Variants in ZNF567 observed in about 807,000 individuals in gnomAD.
ZNF567 encodes the protein zinc finger protein 567.
A neutral mutation model predicts 53.9 loss-of-function variants in ZNF567; 36 were observed. The ratio of observed to expected loss-of-function variants is 0.67; its 90% CI spans 0.51 to 0.88. ZNF567 has a LOEUF of 0.88. Among genes scored for constraint, ZNF567 ranks in the 40% least tolerant of loss-of-function variants. ZNF567 has a pLI of 0.00. For missense variants in ZNF567, 619 were observed against 764.7 expected (o/e 0.81, Z 2.25); for synonymous variants, 224 against 260.4 (o/e 0.86, Z 1.35).
At chr19:36,718,035 A>G (rs1195044964) in intron 5 of ZNF567, among the ~76,000 whole-genome samples, 1 of 152,238 alleles carries the variant, frequency 6.6e-6, no homozygotes, top group Non-Finnish European at 1.5e-5. Context: ...CTAATTTTCC[A>G]TTCATAAGAG....
chr19:36,667,336 C>T, the ZNF567 span, among the ~76,000 whole-genome samples: 1 of 151,676 alleles, frequency 6.6e-6, no homozygotes, highest in South Asian at 2.1e-4. Context: ...AACCCCGTCT[C>T]TACTAAAAAT....
chr19:36,691,160 T>G (rs529682375), intron 2 of ZNF567, among the ~76,000 whole-genome samples: 1 of 150,996 alleles, frequency 6.6e-6, no homozygotes, highest in Non-Finnish European at 1.5e-5. Context: ...TTTTCTTGTT[T>G]TGTTTGTTTG....
At chr19:36,727,504 C>G (rs762088260), downstream of ZNF567, 1 of 152,336 alleles carries the variant, frequency 6.6e-6, no homozygotes, top group Non-Finnish European at 1.5e-5. Flanking sequence ...CTCAGCCTCC[C>G]GAGTAGCTGG....
chr19:36,721,059 A>T lies in ZNF567; in HGVS notation c.*391A>T, dbSNP rs1483852703. The T allele has an allele frequency of 6.5e-6, 1 of 153,282 alleles. No homozygotes were observed. Among genetic ancestry groups the T allele is most frequent in the Non-Finnish European group, 1.5e-5 (1 of 68,802 alleles). 9.5% of individuals were successfully genotyped at this position (153,282 alleles called of 1,614,324 possible). On this transcript the variant is annotated 3_prime_UTR_variant, in exon 6 of 6. Coordinates refer to ENST00000682579, the MANE Select transcript of ZNF567 (RefSeq NM_001322917.1). ...AGCAGTTAGTTGTTACTTACCTAAGAGTTACCACTTCCGTAGCCTATAACA... is the reference window on the plus strand; with the variant it reads ...AGCAGTTAGTTGTTACTTACCTAAGTGTTACCACTTCCGTAGCCTATAACA...
At chr19:36,697,233 T>G (rs939193011) in intron 3 of ZNF567, among the ~76,000 whole-genome samples, 4 of 152,216 alleles carry the variant, frequency 2.6e-5, no homozygotes, top group African/African-American at 9.6e-5. Context: ...CCTTGGATAT[T>G]TTTTAATGCT....
chr19:36,712,940 C>A, intron 5 of ZNF567, 73 bp downstream of exon 5: 1 of 1,187,986 alleles, frequency 8.4e-7, no homozygotes, highest in East Asian at 2.4e-5. Flanking sequence ...GGGGTGATAC[C>A]TTTGAAATGT....
In ZNF567 at chr19:36,719,259, C is replaced by A. The variant is rs752223431; in HGVS notation, c.535C>A (p.Pro179Thr). ...GAGTACTAAACAAGAGACTACTCAT[C>A]CTGAAGTCAAATCCCATAATCAAAG... ...LLSTKQETTH[P>T]EVKSHNQSAR... is the part of the protein sequence containing the mutation. The change falls in exon 6 of 6, where the codon CCT becomes ACT. Residue 179 changes from proline (P) to threonine (T), a missense_variant. Physicochemically the swap from Pro to Thr is conservative, Grantham distance 38. Coordinates refer to ENST00000682579, the MANE Select transcript of ZNF567 (RefSeq NM_001322917.1). 6.2e-7 allele frequency: 1 copy of A among 1,613,906 alleles called. No individual in the cohort carries two copies.
chr19:36,718,119 T>C (rs142695875), intron 5 of ZNF567, among the ~76,000 whole-genome samples: 1 of 152,302 alleles, frequency 6.6e-6, no homozygotes, highest in East Asian at 1.9e-4. Context: ...AAAGCTAAAT[T>C]AATCAATGTT....
chr19:36,699,224 A>G (rs867438775), intron 3 of ZNF567, among the ~76,000 whole-genome samples: 1 of 152,080 alleles, frequency 6.6e-6, no homozygotes, highest in African/African-American at 2.4e-5. Context: ...CAAAGCTCAG[A>G]TAGTTGTAGA....
intron 3 of ZNF567, among the ~76,000 whole-genome samples, chr19:36,696,689 T>C (rs1314869717): frequency 2.6e-5 from 4 of 152,204 alleles, no homozygotes. Flanking sequence ...TCCTTTCTCA[T>C]AGTGGTCACT....
At chr19:36,699,877 A>G (rs1454820973) in intron 3 of ZNF567, among the ~76,000 whole-genome samples, 22 of 141,850 alleles carry the variant, frequency 1.6e-4, no homozygotes, top group Admixed American at 1.4e-3. Flanking sequence ...AACAGGGACA[A>G]TTTGACTTCC....
chr19:36,695,841 T>C (rs1754976733), intron 3 of ZNF567, among the ~76,000 whole-genome samples: 1 of 152,042 alleles, frequency 6.6e-6, no homozygotes, highest in South Asian at 2.1e-4. Flanking sequence ...ATTAAAAAAA[T>C]ATATAAGGCT....
chr19:36,697,285 T>G (rs1319971180), intron 3 of ZNF567, among the ~76,000 whole-genome samples: 3 of 152,198 alleles, frequency 2.0e-5, no homozygotes, highest in Non-Finnish European at 2.9e-5. Flanking sequence ...TCCCACTGTT[T>G]ATTGCTAGTA....
rs1440941927 is a variant in ZNF567, at chr19:36,721,240, T to G, written c.*572T>G. On this transcript the variant is annotated 3_prime_UTR_variant, in exon 6 of 6. Coordinates refer to ENST00000682579, the MANE Select transcript of ZNF567 (RefSeq NM_001322917.1). ...TATTTTCATTTTGCATACTATTCCA[T>G]TTTAAGAATATATTGCTGTTTATCC... 3 of 152,210 alleles carry G rather than the reference T, an allele frequency of 2.0e-5. No individual in the cohort carries two copies. The highest frequency in any genetic ancestry group is 4.4e-5 in the Non-Finnish European group (3 of 68,040). 9.4% of individuals were successfully genotyped at this position (152,210 alleles called of 1,614,324 possible). A position where few individuals can be genotyped will look rare whatever the true frequency, so the allele number is the denominator to read the frequency against.
At chr19:36,698,421 C>G (rs1426855226) in intron 3 of ZNF567, among the ~76,000 whole-genome samples, 6 of 151,764 alleles carry the variant, frequency 4.0e-5, no homozygotes, top group South Asian at 4.2e-4. Context: ...ATGATTTATA[C>G]TCCTTTGGGT....
At chr19:36,696,850 T>C (rs898709911) in intron 3 of ZNF567, among the ~76,000 whole-genome samples, 1 of 152,238 alleles carries the variant, frequency 6.6e-6, no homozygotes, top group African/African-American at 2.4e-5. Flanking sequence ...TTTAACCATT[T>C]TTTAGCGTAT....
chr19:36,723,865 T>C (rs150724320), downstream of ZNF567, among the ~76,000 whole-genome samples: 15 of 152,220 alleles, frequency 9.9e-5, no homozygotes, highest in East Asian at 2.7e-3. Context: ...ATATAATCAT[T>C]ATTATTTGTA....
At chr19:36,721,633 C>G (rs184382547), downstream of ZNF567, among the ~76,000 whole-genome samples, 3 of 151,090 alleles carry the variant, frequency 2.0e-5, no homozygotes, top group East Asian at 5.8e-4. Context: ...TTAGCCATAG[C>G]TTATTACACC....
At chr19:36,725,272 G>T (rs1438617969), downstream of ZNF567, among the ~76,000 whole-genome samples, 1 of 151,026 alleles carries the variant, frequency 6.6e-6, no homozygotes, top group South Asian at 2.1e-4. Flanking sequence ...GTGTGATCTC[G>T]GCTCACTGCA....
Sources: gnomAD v4.1 joint callset for allele counts (sites outside exome capture counted in the v4.1 genomes callset) on GRCh38, gnomAD v4.1.1 for gene constraint, MANE v1.5 for transcripts, NCBI Gene and HGNC (gene_info 2026-07-23, HGNC 2026-07-21) for gene names.